The following ATP9B variants were observed in gnomAD, a reference collection of about 807,000 sequenced individuals.
The protein encoded by ATP9B is ATPase phospholipid transporting 9B.
A neutral mutation model predicts 146.1 loss-of-function variants in ATP9B; 110 were observed. That is an observed-to-expected ratio of 0.75 (90% confidence interval 0.65 to 0.88). The LOEUF (loss-of-function observed/expected upper bound fraction) is 0.88, where lower values mean the gene tolerates loss of function less well. Ranked by LOEUF, ATP9B falls within the 40% of genes least tolerant of loss-of-function variation. The pLI is 0.00. For missense variants in ATP9B, 1,499 were observed against 1,496.4 expected, an observed-to-expected ratio of 1.00 and a Z score of -0.03; for synonymous variants, 604 against 569.7, an observed-to-expected ratio of 1.06 and a Z score of -0.86.
intron 9 of ATP9B, 98 bp from the exon 10 acceptor site, chr18:79,206,839 T>C: frequency 8.9e-7 from 1 of 1,119,474 alleles, no homozygotes; most frequent in Non-Finnish European, 1.3e-6. Context: ...TTCACTTGGA[T>C]TGAGCTTGTG....
chr18:79,240,544 G>T (rs564097151), intron 11 of ATP9B, among the ~76,000 whole-genome samples: 3 of 152,194 alleles, frequency 2.0e-5, no homozygotes, highest in Admixed American at 2.0e-4. Context: ...GCAGGAGTTC[G>T]AGACCAGTCT....
Position 79,069,627 on chromosome 18 carries a change from C to T in ATP9B, c.119+98C>T, listed in dbSNP as rs985269621. ...AGCCGGGCGGGTCTGGGGTCGCTACCGGCGCGCCCCATCTGTTCGCTGGGA... is the reference window on the plus strand; with the variant it reads ...AGCCGGGCGGGTCTGGGGTCGCTACTGGCGCGCCCCATCTGTTCGCTGGGA... On this transcript the variant is annotated intron_variant, in intron 1 of 29. Coordinates refer to ENST00000426216, the MANE Select transcript of ATP9B (RefSeq NM_198531.5). The T allele has an allele frequency of 9.6e-6, 7 of 729,230 alleles. No individual in the cohort carries two copies. In the African/African-American group the frequency reaches 1.1e-4, roughly 12 times the overall value. The allele number at this position is 729,230 out of a possible 1,614,324, so 45.2% of individuals were successfully genotyped here. A position where few individuals can be genotyped will look rare whatever the true frequency, so the allele number is the denominator to read the frequency against.
intron 2 of ATP9B, among the ~76,000 whole-genome samples, chr18:79,099,567 T>G (rs1409623273): frequency 6.6e-6 from 1 of 152,192 alleles, no homozygotes; most frequent in Non-Finnish European, 1.5e-5. Context: ...TAAATCCATG[T>G]TTGATTTATA....
intron 11 of ATP9B, among the ~76,000 whole-genome samples, chr18:79,249,126 C>A (rs1485392287): frequency 6.6e-6 from 1 of 150,948 alleles, no homozygotes; most frequent in African/African-American, 2.4e-5. Flanking sequence ...CAGGAGAATA[C>A]CGTATTTACC....
At chr18:79,367,741 G>T (rs2097042976) in intron 26 of ATP9B, among the ~76,000 whole-genome samples, 1 of 152,256 alleles carries the variant, frequency 6.6e-6, no homozygotes, top group African/African-American at 2.4e-5. Flanking sequence ...CACACCTCCT[G>T]CTGTGGAGCC....
chr18:79,174,997 G>A (rs1206928378), intron 7 of ATP9B, among the ~76,000 whole-genome samples: 2 of 151,770 alleles, frequency 1.3e-5, no homozygotes, highest in East Asian at 1.9e-4. Flanking sequence ...TCAAGAGATC[G>A]AGACCATCCT....
Position 79,096,466 on chromosome 18 carries a change from C to T in ATP9B, c.120-10C>T. On this transcript the variant is annotated splice_polypyrimidine_tract_variant and intron_variant, in intron 1 of 29. Coordinates refer to ENST00000426216, the MANE Select transcript of ATP9B (RefSeq NM_198531.5). ...GGCCTATCTCAGCACTCCATTTTTACCCTAACTAGGTACCAGCTGGAGGAT... is the reference window on the plus strand; with the variant it reads ...GGCCTATCTCAGCACTCCATTTTTATCCTAACTAGGTACCAGCTGGAGGAT... 2 of 1,608,864 alleles carry T rather than the reference C, an allele frequency of 1.2e-6. No individual in the cohort carries two copies. Among genetic ancestry groups the T allele is most frequent in the Non-Finnish European group, 8.5e-7 (1 of 1,179,202 alleles).
At chr18:79,191,472 G>C (rs1012967712) in intron 8 of ATP9B, among the ~76,000 whole-genome samples, 4 of 152,124 alleles carry the variant, frequency 2.6e-5, no homozygotes, top group African/African-American at 9.6e-5. Flanking sequence ...GTTAGACTCC[G>C]CGATATTCCC....
chr18:79,243,453 C>A (rs2144756941), intron 11 of ATP9B, among the ~76,000 whole-genome samples: 1 of 152,242 alleles, frequency 6.6e-6, no homozygotes, highest in African/African-American at 2.4e-5. Flanking sequence ...TGGTAGGTGC[C>A]AGATATCTGG....
At chr18:79,076,071 G>T (rs923947671) in intron 1 of ATP9B, among the ~76,000 whole-genome samples, 1 of 151,732 alleles carries the variant, frequency 6.6e-6, no homozygotes, top group Non-Finnish European at 1.5e-5. Context: ...TTCTCCCATT[G>T]GTAATATAAT....
chr18:79,136,147 CTAAT>C (rs572726106), intron 5 of ATP9B, among the ~76,000 whole-genome samples: 226 of 152,220 alleles, frequency 1.5e-3, no homozygotes, highest in African/African-American at 5.1e-3. Flanking sequence ...ATTAATACAA[CTAAT>C]TAATACAACT....
intron 11 of ATP9B, among the ~76,000 whole-genome samples, chr18:79,243,663 C>T (rs886224054): frequency 6.6e-6 from 1 of 152,218 alleles, no homozygotes; most frequent in Non-Finnish European, 1.5e-5. Context: ...ATGCTGAAGT[C>T]AGCTGGACCA....
chr18:79,132,878 T>A (rs1342931607), intron 5 of ATP9B, among the ~76,000 whole-genome samples: 3 of 152,246 alleles, frequency 2.0e-5, no homozygotes, highest in Non-Finnish European at 4.4e-5. Context: ...GGAAAGCCAC[T>A]TATAAATACG....
intron 1 of ATP9B, among the ~76,000 whole-genome samples, chr18:79,091,798 C>T (rs936422624): frequency 1.3e-5 from 2 of 152,214 alleles, no homozygotes; most frequent in African/African-American, 4.8e-5. Context: ...CTAGCTAGGA[C>T]TTCCAGTACT....
intron 1 of ATP9B, among the ~76,000 whole-genome samples, chr18:79,093,638 T>C (rs1380003442): frequency 2.0e-5 from 3 of 152,236 alleles, no homozygotes; most frequent in Non-Finnish European, 4.4e-5. Context: ...GCCTCAATCT[T>C]TTCTGGTATT....
At position 79,069,470 on chromosome 18, in the gene ATP9B, C is replaced by T. The variant is rs1487693167; in HGVS notation, c.60C>T (p.Arg20=). 1 of 1,506,212 alleles carries T rather than the reference C, an allele frequency of 6.6e-7. No individual in the cohort carries two copies. The highest frequency in any genetic ancestry group is 2.3e-5 in the Admixed American group (1 of 44,278). 93.3% of individuals were successfully genotyped at this position (1,506,212 alleles called of 1,614,324 possible). A position where few individuals can be genotyped will look rare whatever the true frequency, so the allele number is the denominator to read the frequency against. The change falls in exon 1 of 30, where the codon CGC becomes CGT. Residue 20 remains arginine (R), a synonymous_variant. Transcript: ENST00000426216. ...GCGCAGCGGCGGCCGCAGCCAACCG[C>T]AAACGCGCGGCCTACTACAGCGCCG... is the stretch of plus-strand genomic sequence containing the variant. ...VRSAAAAAAN[R]KRAAYYSAAG...
At chr18:79,256,256 G>GATATATATATATATATATAT (rs2096075881) in intron 12 of ATP9B, among the ~76,000 whole-genome samples, 1 of 41,822 alleles carries the variant, frequency 2.4e-5, no homozygotes, top group South Asian at 5.8e-4. Context: ...ATTCTAGCTA[G>GATATATATATATATATATAT]CTATATATAT....
At chr18:79,120,653 T>C (rs940942707) in intron 4 of ATP9B, among the ~76,000 whole-genome samples, 1 of 152,200 alleles carries the variant, frequency 6.6e-6, no homozygotes, top group East Asian at 1.9e-4. Flanking sequence ...CAAAACAGAA[T>C]GTCATGCTTC....
chr18:79,312,902 A>T (rs28541878), intron 15 of ATP9B, among the ~76,000 whole-genome samples: 23,020 of 152,232 alleles, frequency 0.15, 1,803 homozygotes, highest in Admixed American at 0.2. Flanking sequence ...AAGTCTCTGA[A>T]AATTGGGATC....
Sources: gnomAD v4.1 joint callset for allele counts (sites outside exome capture counted in the v4.1 genomes callset) on GRCh38, gnomAD v4.1.1 for gene constraint, MANE v1.5 for transcripts, NCBI Gene and HGNC (gene_info 2026-07-23, HGNC 2026-07-21) for gene names.